OLA1: variants seen among roughly 807,000 people sequenced by gnomAD.
OLA1 encodes the protein obg-like ATPase 1.
Under a neutral mutation model 48.4 loss-of-function variants are expected in OLA1, and 14 were observed. That is an observed-to-expected ratio of 0.29 (90% CI 0.19 to 0.45). The LOEUF (loss-of-function observed/expected upper bound fraction) is 0.45. Ranked by LOEUF, OLA1 falls within the 20% of genes least tolerant of loss-of-function variation. The pLI is 1.00. For missense variants in OLA1, 325 were observed against 467.1 expected, an observed-to-expected ratio of 0.70 and a Z score of 2.80; for synonymous variants, 127 against 150.4, an observed-to-expected ratio of 0.84 and a Z score of 1.14.
intron 4 of OLA1, among the ~76,000 whole-genome samples, chr2:174,163,412 G>GT (rs1687059841): frequency 6.6e-6 from 1 of 151,872 alleles, no homozygotes; most frequent in South Asian, 2.1e-4. Context: ...AATATGCCGG[G>GT]TGTGGTGGCT....
chr2:174,151,170 T>C (rs1219711225), intron 4 of OLA1, among the ~76,000 whole-genome samples: 6 of 152,138 alleles, frequency 3.9e-5, no homozygotes, highest in African/African-American at 1.4e-4. Flanking sequence ...AGCAGCATTT[T>C]AGAAAGACTA....
At chr2:174,142,435 T>G (rs1404272728) in intron 4 of OLA1, among the ~76,000 whole-genome samples, 2 of 152,182 alleles carry the variant, frequency 1.3e-5, no homozygotes, top group African/African-American at 4.8e-5. Flanking sequence ...ACTTTATCAC[T>G]GTGGTTCTGA....
intron 3 of OLA1, among the ~76,000 whole-genome samples, chr2:174,227,426 C>T (rs976566414): frequency 6.6e-6 from 1 of 152,024 alleles, no homozygotes; most frequent in Non-Finnish European, 1.5e-5. Flanking sequence ...TGATGTTTTA[C>T]TATGGTTGTG....
At chr2:174,229,738 A>C (rs1306127734) in intron 2 of OLA1, among the ~76,000 whole-genome samples, 3 of 152,234 alleles carry the variant, frequency 2.0e-5, no homozygotes, top group Non-Finnish European at 4.4e-5. Context: ...GTTTCATGTC[A>C]TACTACAAAA....
In OLA1 at chr2:174,085,647, C is replaced by CT. The variant is rs1306064194; in HGVS notation, c.729-3584dup. Among the ~76,000 whole-genome samples, 14 of 152,164 alleles carry CT rather than the reference C, an allele frequency of 9.2e-5. 1 individual carries two copies. Among genetic ancestry groups the CT allele is most frequent in the African/African-American group, 3.1e-4 (13 of 41,430 alleles). On this transcript the variant is annotated intron_variant, in intron 7 of 10. Transcript: ENST00000284719. Reference sequence around the variant, plus strand: ...TCCAAAAGATCATGTCTCAAATTTACTTTTAGCCTTGTGATCTGACTTTCT... The same window carrying CT: ...TCCAAAAGATCATGTCTCAAATTTACTTTTTAGCCTTGTGATCTGACTTTCT...
chr2:174,239,714 CAAAAAA>C lies in OLA1; in HGVS notation c.101+6995_101+7000del, dbSNP rs35332033. ...GCAACATAGTGAGAACCCATCTCTA[CAAAAAA>C]AAAAAAAAAAAAAAAAGTTAAAAAT... On this transcript the variant is annotated intron_variant, in intron 2 of 10. Transcript: ENST00000284719. Among the ~76,000 whole-genome samples, 8 of 60,636 alleles carry C rather than the reference CAAAAAA, an allele frequency of 1.3e-4. No individual in the cohort carries two copies. The South Asian group carries it at 3.9e-3, about 29-fold the overall frequency. 39.8% of individuals were successfully genotyped at this position (60,636 alleles called of 152,430 possible).
At chr2:174,163,078 A>ACTGGAAGAAGACTGTAACAGTTGT (rs1359620040) in intron 4 of OLA1, among the ~76,000 whole-genome samples, 2 of 152,098 alleles carry the variant, frequency 1.3e-5, no homozygotes, top group African/African-American at 4.8e-5. Context: ...AAAGGAAGAA[A>ACTGGAAGAAGACTGTAACAGTTGT]CTGGAAGAAG....
intron 2 of OLA1, among the ~76,000 whole-genome samples, chr2:174,246,128 C>T (rs1257351122): frequency 1.3e-5 from 2 of 151,512 alleles, no homozygotes; most frequent in African/African-American, 4.8e-5. Flanking sequence ...GGTGAAACCC[C>T]GTCTCTACTA....
intron 4 of OLA1, among the ~76,000 whole-genome samples, chr2:174,174,039 A>C (rs879271792): frequency 0.027 from 909 of 33,892 alleles, 8 homozygotes; most frequent in Middle Eastern, 0.21. Flanking sequence ...CACACACAAA[A>C]AAAAAAAAAA....
chr2:174,114,172 C>CAAAA lies in OLA1; in HGVS notation c.728+9004_728+9007dup, dbSNP rs33971592. 5.1e-3 allele frequency among the ~76,000 whole-genome samples: 398 copies of CAAAA among 78,164 alleles called. 4 individuals are homozygous for CAAAA. The highest frequency in any genetic ancestry group is 6.5e-3 in the Non-Finnish European group (285 of 43,554). The allele number at this position is 78,164 out of a possible 152,430, so 51.3% of individuals were successfully genotyped here. A position where few individuals can be genotyped will look rare whatever the true frequency, so the allele number is the denominator to read the frequency against. ...TGAAACCCTGTCTCTACTAAAAATA[C>CAAAA]AAAAAAAAAAAAAAAAAAAAATTAG... On this transcript the variant is annotated intron_variant, in intron 7 of 10. Coordinates refer to ENST00000284719, the MANE Select transcript of OLA1 (RefSeq NM_013341.5).
At position 174,107,775 on chromosome 2, in the gene OLA1, G is replaced by C. The variant is rs562470770; in HGVS notation, c.728+15405C>G. On this transcript the variant is annotated intron_variant, in intron 7 of 10. Coordinates refer to ENST00000284719, the MANE Select transcript of OLA1 (RefSeq NM_013341.5). ...ATAGAATATACTATATTCTCGATTAGATTATAGAATGAGAATATGAATTGC... is the reference window on the plus strand; with the variant it reads ...ATAGAATATACTATATTCTCGATTACATTATAGAATGAGAATATGAATTGC... 5.3e-5 allele frequency among the ~76,000 whole-genome samples: 8 copies of C among 152,124 alleles called. No individual in the cohort carries two copies. In the South Asian group the frequency reaches 1.7e-3, roughly 31 times the overall value.
At chr2:174,150,147 T>C (rs1278167652) in intron 4 of OLA1, among the ~76,000 whole-genome samples, 1 of 152,226 alleles carries the variant, frequency 6.6e-6, no homozygotes, top group African/African-American at 2.4e-5. Context: ...GTGGGATCTC[T>C]GGGAAGTGAC....
chr2:174,228,141 A>G (rs1044314300), intron 3 of OLA1, among the ~76,000 whole-genome samples: 1 of 152,224 alleles, frequency 6.6e-6, no homozygotes, highest in Non-Finnish European at 1.5e-5. Context: ...CCAAGTGTCA[A>G]TATCAAGGAG....
intron 7 of OLA1, among the ~76,000 whole-genome samples, chr2:174,092,172 G>T (rs1037277410): frequency 2.6e-5 from 4 of 151,352 alleles, no homozygotes; most frequent in Non-Finnish European, 5.9e-5. Flanking sequence ...AAGGAAAGGA[G>T]AGGAGAGGAG....
Position 174,088,877 on chromosome 2 carries a change from A to AAAATAAATAAAT in OLA1, c.729-6825_729-6814dup, listed in dbSNP as rs5836449. Among the ~76,000 whole-genome samples the AAAATAAATAAAT allele has an allele frequency of 1.5e-3, 225 of 148,132 alleles. 1 individual carries two copies. The highest frequency in any genetic ancestry group is 3.5e-3 in the African/African-American group (141 of 39,906). The stretch of plus-strand genomic sequence containing the variant: ...GATGACAGAGTGAAATCCTGTCTCA[A>AAAATAAATAAAT]AAATAAATAAATAAATAAATAAATA... On this transcript the variant is annotated intron_variant, in intron 7 of 10. Coordinates refer to ENST00000284719, the MANE Select transcript of OLA1 (RefSeq NM_013341.5).
chr2:174,097,070 C>T (rs549647872), intron 7 of OLA1, among the ~76,000 whole-genome samples: 15 of 152,164 alleles, frequency 9.9e-5, no homozygotes, highest in Non-Finnish European at 1.6e-4. Flanking sequence ...GCAGGAGAAT[C>T]GGTTGAAACC....
chr2:174,204,788 G>A (rs1688072573), intron 4 of OLA1, among the ~76,000 whole-genome samples: 1 of 152,058 alleles, frequency 6.6e-6, no homozygotes, highest in South Asian at 2.1e-4. Flanking sequence ...AAAGATAGAA[G>A]TTTTGCTAAA....
intron 10 of OLA1, 34 bp from the exon 11 acceptor site, chr2:174,075,561 T>G: frequency 7.5e-6 from 10 of 1,332,226 alleles, no homozygotes; most frequent in Non-Finnish European, 1.1e-5. Context: ...AATGGGTTAT[T>G]AGTTTACAAC....
intron 7 of OLA1, among the ~76,000 whole-genome samples, chr2:174,091,198 T>C (rs1312086447): frequency 1.3e-5 from 2 of 152,226 alleles, no homozygotes; most frequent in African/African-American, 4.8e-5. Flanking sequence ...TTAGCTTTAA[T>C]ATACTCATCT....
Sources: gnomAD v4.1 joint callset for allele counts (sites outside exome capture counted in the v4.1 genomes callset) on GRCh38, gnomAD v4.1.1 for gene constraint, MANE v1.5 for transcripts, NCBI Gene and HGNC (gene_info 2026-07-23, HGNC 2026-07-21) for gene names.